The following OGFOD2 variants were observed in gnomAD, a reference collection of about 807,000 sequenced individuals.
The protein encoded by OGFOD2 is 2-oxoglutarate and iron-dependent oxygenase domain-containing protein 2.
OGFOD2 carries 34 observed loss-of-function variants against 31.1 expected under a neutral mutation model. That is an observed-to-expected ratio of 1.09 (90% CI 0.83 to 1.45). The LOEUF (loss-of-function observed/expected upper bound fraction) is 1.45, where lower values mean the gene tolerates loss of function less well. Ranked by LOEUF, OGFOD2 falls within the 40% of genes most tolerant of loss-of-function variation. The probability of loss-of-function intolerance (pLI) is 0.00; values close to 1 mark genes in which losing one functional copy is unlikely to be tolerated. For synonymous variants in OGFOD2, 240 were observed against 192.3 expected, an observed-to-expected ratio of 1.25 and a Z score of -2.05; for missense variants, 537 against 433.9, an observed-to-expected ratio of 1.24 and a Z score of -2.11.
At chr12:122,977,087 G>A in intron 4 of OGFOD2, 117 bp downstream of exon 4, 1 of 925,798 alleles carries the variant, frequency 1.1e-6, no homozygotes, top group South Asian at 1.4e-5. Context: ...CAAACCAGCA[G>A]GAGCTGGAAG....
At chr12:122,979,608 A>G (rs920628398) in exon 7 of OGFOD2, 35 of 519,026 alleles carry the variant, frequency 6.7e-5, no homozygotes, top group African/African-American at 5.7e-4. Flanking sequence ...GAGGACGTCC[A>G]GCCTCAGCTG....
intron 2 of OGFOD2, 27 bp from the exon 3 acceptor site, chr12:122,976,627 C>T (rs2037439406): frequency 6.6e-7 from 1 of 1,510,722 alleles, no homozygotes; most frequent in Non-Finnish European, 9.2e-7. Flanking sequence ...GGAGGCCCCA[C>T]CTGGTAACAA....
At chr12:122,975,362 G>A (rs112253827) in exon 1 of OGFOD2, 4 of 701,146 alleles carry the variant, frequency 5.7e-6, no homozygotes, top group African/African-American at 3.5e-5. Context: ...GCGAGCAGCA[G>A]CTGCGCCGGG....
exon 7 of OGFOD2, chr12:122,979,458 GC>G: frequency 1.5e-6 from 2 of 1,333,220 alleles, no homozygotes; most frequent in Non-Finnish European, 2.0e-6. Flanking sequence ...TCAACGGTGT[GC>G]CAGCTTCTGG....
At position 122,976,001 on chromosome 12, in the gene OGFOD2, C is replaced by T. The variant is rs1009382636; in HGVS notation, c.189+134C>T. On this transcript the variant is annotated intron_variant, in intron 2 of 6. Transcript: ENST00000228922. ...GGCCCTCACTTTCCTCCTTCCTGCC[C>T]CCCACTCATCCCTCCACACCTGAGT... 4 of 639,948 alleles carry T rather than the reference C, an allele frequency of 6.3e-6. No individual in the cohort carries two copies. In the African/African-American group the frequency reaches 7.2e-5, roughly 11 times the overall value. The allele number at this position is 639,948 out of a possible 1,614,324, so 39.6% of individuals were successfully genotyped here.
At chr12:122,979,423 C>CA in exon 7 of OGFOD2, 14 of 1,484,086 alleles carry the variant, frequency 9.4e-6, no homozygotes, top group South Asian at 5.1e-5. Flanking sequence ...AAATAAAATC[C>CA]CCGCAGCCTA....
intron 2 of OGFOD2, 157 bp downstream of exon 2, chr12:122,976,024 A>T (rs967430328): frequency 1.6e-6 from 1 of 614,794 alleles, no homozygotes; most frequent in African/African-American, 1.8e-5. Flanking sequence ...TCCACACCTG[A>T]GTCTTGGCAC....
exon 6 of OGFOD2, chr12:122,978,920 C>A (rs367923849): frequency 2.5e-6 from 4 of 1,613,168 alleles, no homozygotes; most frequent in Non-Finnish European, 3.4e-6. Context: ...TGGAGCTGGG[C>A]TGCCACTATG....
At chr12:122,975,326 C>G (rs1468763454) in exon 1 of OGFOD2, 1 of 702,296 alleles carries the variant, frequency 1.4e-6, no homozygotes, top group Non-Finnish European at 2.6e-6. Context: ...ACGTGGCGCG[C>G]TATGGGCTGC....
chr12:122,978,768 C>T (rs1429950582), exon 6 of OGFOD2: 2 of 1,609,320 alleles, frequency 1.2e-6, no homozygotes, highest in Non-Finnish European at 1.7e-6. Context: ...GCTGCACGAG[C>T]TCGGGCTGGA....
At chr12:122,979,396 C>G in exon 7 of OGFOD2, 2 of 1,547,834 alleles carry the variant, frequency 1.3e-6, no homozygotes, top group Non-Finnish European at 1.7e-6. Context: ...GGCTCCGTTG[C>G]CTTGGTCTGG....
At chr12:122,979,753 C>T (rs141715131) in exon 7 of OGFOD2, 2 of 216,352 alleles carry the variant, frequency 9.2e-6, no homozygotes, top group East Asian at 1.1e-4. Flanking sequence ...GGGTGCCTTC[C>T]AGTAGCCAAG....
chr12:122,978,764 C>T (rs775958698), exon 6 of OGFOD2: 15 of 1,607,754 alleles, frequency 9.3e-6, no homozygotes, highest in African/African-American at 8.0e-5. Context: ...TGCTGCTGCA[C>T]GAGCTCGGGC....
chr12:122,978,160 G>T (rs935102328), intron 4 of OGFOD2: 2 of 310,130 alleles, frequency 6.4e-6, no homozygotes, highest in Admixed American at 4.0e-5. Context: ...GGGTGTCCCT[G>T]GGCTACTTCC....
At chr12:122,975,015 C>A, upstream of OGFOD2, 1 of 412,944 alleles carries the variant, frequency 2.4e-6, no homozygotes. Context: ...TAAAGTGGAG[C>A]CATTAGTCCC....
At chr12:122,975,966 GGGTCACTTAGGCCC>G (rs1446567034) in intron 2 of OGFOD2, 99 bp downstream of exon 2, 9 of 669,082 alleles carry the variant, frequency 1.3e-5, no homozygotes, top group Non-Finnish European at 2.5e-5. Context: ...GATCCCTGAA[GGGTCACTTAGGCCC>G]TCACTTTCCT....
chr12:122,979,528 A>G, exon 7 of OGFOD2: 1 of 773,404 alleles, frequency 1.3e-6, no homozygotes, highest in South Asian at 2.0e-5. Flanking sequence ...AGGGTCTGGA[A>G]TGGGGCTTCA....
chr12:122,975,980 C>T, intron 2 of OGFOD2, 113 bp downstream of exon 2: 1 of 656,748 alleles, frequency 1.5e-6, no homozygotes, highest in East Asian at 2.8e-5. Flanking sequence ...CACTTAGGCC[C>T]TCACTTTCCT....
upstream of OGFOD2, chr12:122,974,911 C>G (rs58025094): frequency 0.033 from 6,833 of 205,528 alleles, 472 homozygotes; most frequent in African/African-American, 0.15. Flanking sequence ...GGGCAGACGG[C>G]GGGGGGTGGG....
Sources: allele counts gnomAD v4.1 joint callset, GRCh38; gene constraint gnomAD v4.1.1; transcripts MANE v1.5; gene names NCBI Gene and HGNC (gene_info 2026-07-23, HGNC 2026-07-21).